The following EIF4B variants were observed in gnomAD, a reference collection of about 807,000 sequenced individuals.
The protein encoded by EIF4B is eukaryotic translation initiation factor 4B.
In EIF4B, 8 loss-of-function variants were observed where a neutral mutation model predicts 79.3. The observed-to-expected ratio is 0.10, with a 90% CI of 0.06 to 0.18. The LOEUF (loss-of-function observed/expected upper bound fraction) is 0.18. EIF4B is among the 10% of genes least tolerant of loss of function. EIF4B has a pLI of 1.00. For missense variants in EIF4B, 515 were observed against 792.4 expected, an observed-to-expected ratio of 0.65 and a Z score of 4.20; for synonymous variants, 238 against 274.7, an observed-to-expected ratio of 0.87 and a Z score of 1.32.
intron 6 of EIF4B, chr12:53,025,400 A>G (rs1272516404): frequency 8.2e-6 from 3 of 366,478 alleles, no homozygotes; most frequent in East Asian, 7.5e-5. Flanking sequence ...GTTAACCTGA[A>G]TTAAAGATCC....
rs1565587534 is a variant in EIF4B, at chr12:53,022,597, C to G, written c.637C>G (p.Pro213Ala). ...PATDSFDDYP[P>A]RRGDDSFGDK... ...TACAGACAGCTTTGATGACTACCCACCTAGAAGAGGTGATGATAGCTTTGG... is the reference window on the plus strand; with the variant it reads ...TACAGACAGCTTTGATGACTACCCAGCTAGAAGAGGTGATGATAGCTTTGG... Residue 213 changes from proline to alanine, a missense_variant, in exon 6 of 15, where the codon CCT becomes GCT. Transcript: ENST00000262056. The G allele has an allele frequency of 1.9e-6, 3 of 1,613,810 alleles. No homozygotes were observed. In the African/African-American group the frequency reaches 4.0e-5, roughly 22 times the overall value.
At position 53,026,602 on chromosome 12, in the gene EIF4B, GATTT is replaced by G. The variant is rs913443118; in HGVS notation, c.668-1167_668-1164del. 6.3e-3 allele frequency among the ~76,000 whole-genome samples: 961 copies of G among 152,088 alleles called. 9 individuals are homozygous for G. The highest frequency in any genetic ancestry group is 0.021 in the African/African-American group (886 of 41,484). On this transcript the variant is annotated intron_variant, in intron 6 of 14. Coordinates refer to ENST00000262056, the MANE Select transcript of EIF4B (RefSeq NM_001417.7). ...CTTTCAGTATTTATACTAATTTATT[GATTT>G]ATTTATTTATTTTGAGAGGAAGTCT...
chr12:53,019,041 T>A (rs1450963116), intron 3 of EIF4B, 35 bp downstream of exon 3: 2 of 1,600,004 alleles, frequency 1.3e-6, no homozygotes, highest in East Asian at 2.2e-5. Context: ...AACTAGATAT[T>A]GAGGATAATG....
Position 53,033,861 on chromosome 12 carries a change from T to C in EIF4B, c.1035T>C (p.Asp345=). The change falls in exon 9 of 15, where the codon GAT becomes GAC. Residue 345 remains aspartate (D), a synonymous_variant. Transcript: ENST00000262056. ...NLKPRSTPKE[D]DSSASTSQST... is the part of the protein sequence containing the mutation. The stretch of plus-strand genomic sequence containing the variant: ...AGCCTCGGAGTACTCCTAAGGAAGA[T>C]GATTCCTCTGCTAGTACCTCCCAGT... The C allele has an allele frequency of 6.2e-7, 1 of 1,614,026 alleles. No individual in the cohort carries two copies. Among genetic ancestry groups the C allele is most frequent in the African/African-American group, 1.3e-5 (1 of 75,056 alleles).
intron 10 of EIF4B, among the ~76,000 whole-genome samples, chr12:53,037,084 G>A (rs1361027120): frequency 2.6e-5 from 4 of 152,170 alleles, no homozygotes; most frequent in Admixed American, 1.3e-4. Flanking sequence ...GGGTTTCATT[G>A]TAGGTCCTCT....
intron 8 of EIF4B, among the ~76,000 whole-genome samples, chr12:53,028,808 A>G (rs1356297072): frequency 6.6e-6 from 1 of 152,166 alleles, no homozygotes; most frequent in Non-Finnish European, 1.5e-5. Flanking sequence ...CCTGTAGCCC[A>G]TAATTGGTAC....
chr12:53,030,998 C>A (rs1029599988), intron 8 of EIF4B, among the ~76,000 whole-genome samples: 1 of 151,688 alleles, frequency 6.6e-6, no homozygotes, highest in Non-Finnish European at 1.5e-5. Context: ...CTTGCTCTTA[C>A]CCCCCCATTC....
In EIF4B at chr12:53,038,292, T is replaced by C. The variant is rs77749367; in HGVS notation, c.1521-64T>C. The C allele has an allele frequency of 3.9e-5, 57 of 1,457,530 alleles. No homozygotes were observed. In the African/African-American group the frequency reaches 7.7e-4, roughly 20 times the overall value. The allele number at this position is 1,457,530 out of a possible 1,614,324, so 90.3% of individuals were successfully genotyped here. ...TTACCCACTGCATTTGGAGGATGAT[T>C]ATGTTTCTTGGTTGTTTTCTCCCTG... is the stretch of plus-strand genomic sequence containing the variant. On this transcript the variant is annotated intron_variant, in intron 11 of 14. Coordinates refer to ENST00000262056, the MANE Select transcript of EIF4B (RefSeq NM_001417.7).
chr12:53,017,655 G>A (rs957625595), intron 2 of EIF4B, among the ~76,000 whole-genome samples: 12 of 152,220 alleles, frequency 7.9e-5, no homozygotes, highest in East Asian at 1.9e-4. Flanking sequence ...TGCAAGTGGC[G>A]CACTCTCTGC....
rs1943641165 is a variant in EIF4B, at chr12:53,041,647, A to G, written c.*1424A>G. 1 of 152,196 alleles carries G rather than the reference A, an allele frequency of 6.6e-6. No individual in the cohort carries two copies. Among genetic ancestry groups the G allele is most frequent in the Admixed American group, 6.5e-5 (1 of 15,268 alleles). 9.4% of individuals were successfully genotyped at this position (152,196 alleles called of 1,614,324 possible). On this transcript the variant is annotated 3_prime_UTR_variant, in exon 15 of 15. Coordinates refer to ENST00000262056, the MANE Select transcript of EIF4B (RefSeq NM_001417.7). ...TGTAGGGATCAGCTTGGTAGACAGTATTAGCGGAGAAACACCTTGATCTTG... is the reference window on the plus strand; with the variant it reads ...TGTAGGGATCAGCTTGGTAGACAGTGTTAGCGGAGAAACACCTTGATCTTG...
Position 53,034,031 on chromosome 12 carries a change from A to T in EIF4B, c.1205A>T (p.Glu402Val), listed in dbSNP as rs1489838047. ...DEPKLERRPR[E>V]RHPSWRSEET... ...CCAAAACTAGAACGACGGCCTCGGG[A>T]GAGGTGTGTTGTCTTGATGGATATC... Residue 402 changes from glutamate to valine, a missense_variant, in exon 9 of 15, where the codon GAG becomes GTG. Glu to Val is a moderately radical substitution (Grantham distance 121, BLOSUM62 -2). Around this residue, in one of 6 missense-constraint regions of EIF4B, gnomAD observed 146 missense variants for 228.0 expected, o/e 0.64. Coordinates refer to ENST00000262056, the MANE Select transcript of EIF4B (RefSeq NM_001417.7). The T allele has an allele frequency of 1.9e-6, 3 of 1,608,666 alleles. No homozygotes were observed. Among genetic ancestry groups the T allele is most frequent in the Non-Finnish European group, 2.5e-6 (3 of 1,177,316 alleles).
chr12:53,034,938 T>TC lies in EIF4B; in HGVS notation c.1306+229_1306+230insC, dbSNP rs1339985262. On this transcript the variant is annotated intron_variant, in intron 10 of 14. Transcript: ENST00000262056. ...TCTACCACTGAAGTGTATACTTGGT[T>TC]GTTAGGTTTGTCTCTCTCTTTTTTT... is the stretch of plus-strand genomic sequence containing the variant. Among the ~76,000 whole-genome samples the TC allele has an allele frequency of 2.0e-5, 3 of 149,576 alleles. No homozygotes were observed. The East Asian group carries it at 5.9e-4, about 29-fold the overall frequency.
chr12:53,016,734 T>TA, intron 2 of EIF4B, 124 bp downstream of exon 2: 2 of 1,341,218 alleles, frequency 1.5e-6, no homozygotes, highest in Non-Finnish European at 2.0e-6. Flanking sequence ...CCTGAAATCT[T>TA]ACATATTTTA....
At chr12:53,039,818 C>T in intron 14 of EIF4B, 116 bp downstream of exon 14, 2 of 1,163,040 alleles carry the variant, frequency 1.7e-6, no homozygotes, top group Non-Finnish European at 1.2e-6. Context: ...CGTTGGACTT[C>T]TTTCCATTTG....
chr12:53,038,944 G>T (rs903682139), intron 12 of EIF4B: 1 of 243,852 alleles, frequency 4.1e-6, no homozygotes, highest in Non-Finnish European at 7.8e-6. Flanking sequence ...GAAAAAAATC[G>T]GAAGGAAATT....
chr12:53,037,275 C>A, intron 10 of EIF4B, 134 bp from the exon 11 acceptor site: 1 of 918,864 alleles, frequency 1.1e-6, no homozygotes, highest in Non-Finnish European at 1.6e-6. Flanking sequence ...TACTTGTAAA[C>A]CACTGGTTTA....
chr12:53,026,621 A>C (rs1943338978), intron 6 of EIF4B, among the ~76,000 whole-genome samples: 2 of 152,176 alleles, frequency 1.3e-5, no homozygotes, highest in South Asian at 4.1e-4. Context: ...ATTTATTTTG[A>C]GAGGAAGTCT....
chr12:53,028,245 A>G, intron 8 of EIF4B, 57 bp downstream of exon 8: 1 of 1,524,262 alleles, frequency 6.6e-7, no homozygotes, highest in Non-Finnish European at 8.8e-7. Context: ...ACTACGGAAA[A>G]TTTGTGATTG....
intron 1 of EIF4B, 120 bp downstream of exon 1, chr12:53,006,616 G>A: frequency 6.4e-7 from 1 of 1,561,066 alleles, no homozygotes; most frequent in South Asian, 1.1e-5. Flanking sequence ...ATTGAGGGCT[G>A]CGGCAGGCTG....
Sources: allele counts gnomAD v4.1 joint callset (sites outside exome capture counted in the v4.1 genomes callset), GRCh38; gene constraint gnomAD v4.1.1; regional missense constraint gnomAD v4.1.1; transcripts MANE v1.5; gene names NCBI Gene and HGNC (gene_info 2026-07-23, HGNC 2026-07-21).